The following L2HGDH variants were observed in gnomAD, a reference collection of about 807,000 sequenced individuals.
The protein encoded by L2HGDH is L-2-hydroxyglutarate dehydrogenase.
Under a neutral mutation model 51.5 loss-of-function variants are expected in L2HGDH, and 34 were observed. The ratio of observed to expected loss-of-function variants is 0.66; its 90% CI spans 0.50 to 0.88. L2HGDH has a LOEUF of 0.88. L2HGDH is among the 40% of genes least tolerant of loss of function. The probability of loss-of-function intolerance (pLI) is 0.00; values close to 1 mark genes in which losing one functional copy is unlikely to be tolerated. For missense variants in L2HGDH, 558 were observed against 571.9 expected, an observed-to-expected ratio of 0.98 and a Z score of 0.25; for synonymous variants, 198 against 197.9, an observed-to-expected ratio of 1.00 and a Z score of -0.01.
Position 50,267,720 on chromosome 14 carries a change from C to T in L2HGDH, c.1064+33G>A, listed in dbSNP as rs1889425033. On this transcript the variant is annotated intron_variant, in intron 8 of 9. Transcript: ENST00000267436. The stretch of plus-strand genomic sequence containing the variant: ...ACTTCCCACATTGAAAATATAAGCA[C>T]ATAAAATCATTTTTAAAAATAAATA... 3.3e-6 allele frequency: 5 copies of T among 1,520,368 alleles called. No homozygotes were observed. In the Admixed American group the frequency reaches 5.1e-5, roughly 15 times the overall value. The allele number at this position is 1,520,368 out of a possible 1,614,324, so 94.2% of individuals were successfully genotyped here. A position where few individuals can be genotyped will look rare whatever the true frequency, so the allele number is the denominator to read the frequency against.
intron 1 of L2HGDH, among the ~76,000 whole-genome samples, chr14:50,310,936 C>CTTTTTTTTTTTTTTTTTTTTT (rs34399906): frequency 5.0e-4 from 41 of 82,242 alleles, no homozygotes; most frequent in Admixed American, 1.2e-3. Context: ...CTTTTCTTTT[C>CTTTTTTTTTTTTTTTTTTTTT]TTTTTTTTTT....
chr14:50,297,275 T>C (rs565706498), intron 3 of L2HGDH, among the ~76,000 whole-genome samples: 6 of 152,256 alleles, frequency 3.9e-5, no homozygotes, highest in African/African-American at 1.2e-4. Context: ...GCAAGCAGAA[T>C]AAGTAGTTAA....
chr14:50,255,620 T>C (rs1888623228), intron 9 of L2HGDH, among the ~76,000 whole-genome samples: 1 of 151,930 alleles, frequency 6.6e-6, no homozygotes, highest in African/African-American at 2.4e-5. Flanking sequence ...AAGTATGGTG[T>C]CAACACCCCT....
Position 50,265,474 on chromosome 14 carries a change from C to CA in L2HGDH, c.1079dup (p.Ala361GlyfsTer11), listed in dbSNP as rs1889286735. 1 of 1,612,780 alleles carries CA rather than the reference C, an allele frequency of 6.2e-7. No individual in the cohort carries two copies. The highest frequency in any genetic ancestry group is 1.3e-5 in the African/African-American group (1 of 74,832). On this transcript the variant is annotated frameshift_variant, in exon 9 of 10. Coordinates refer to ENST00000267436, the MANE Select transcript of L2HGDH (RefSeq NM_024884.3). LOFTEE classifies it high-confidence loss of function. ...CTCCATAGGAAAAATTCTGGGATGC[C>CA]AGTTTAATCAAGCCACTGAAAACAG...
intron 6 of L2HGDH, among the ~76,000 whole-genome samples, chr14:50,272,362 G>A (rs1239972565): frequency 2.0e-5 from 3 of 152,096 alleles, no homozygotes; most frequent in African/African-American, 4.8e-5. Flanking sequence ...ATGAGGGCAG[G>A]CACAGAAACA....
rs139882377 is a variant in L2HGDH at position 50,253,997 on chromosome 14, G to C, written c.1197-6744C>G. Among the ~76,000 whole-genome samples, 9 of 152,182 alleles carry C rather than the reference G, an allele frequency of 5.9e-5. No individual in the cohort carries two copies. In the East Asian group the frequency reaches 1.7e-3, roughly 29 times the overall value. ...AAAACAATTGAACGCATAGAGGTAA[G>C]AGAGCAAGACTGTAACCAGAGGCTG... On this transcript the variant is annotated intron_variant, in intron 9 of 9. Coordinates refer to ENST00000267436, the MANE Select transcript of L2HGDH (RefSeq NM_024884.3).
At chr14:50,261,987 C>T (rs1045757512) in intron 9 of L2HGDH, among the ~76,000 whole-genome samples, 9 of 152,296 alleles carry the variant, frequency 5.9e-5, no homozygotes, top group Non-Finnish European at 1.2e-4. Context: ...TCCTGGGAAA[C>T]ACACCCCACT....
chr14:50,249,878 A>G (rs1214132057), intron 9 of L2HGDH, among the ~76,000 whole-genome samples: 8 of 105,988 alleles, frequency 7.5e-5, no homozygotes, highest in Non-Finnish European at 1.3e-4. Flanking sequence ...CAAGGCTTAC[A>G]CTCCTTTTTT....
chr14:50,297,946 C>A (rs1384691003), intron 3 of L2HGDH, among the ~76,000 whole-genome samples: 1 of 149,872 alleles, frequency 6.7e-6, no homozygotes, highest in Non-Finnish European at 1.5e-5. Context: ...AAAAAAAAAA[C>A]CAAAACGAAC....
chr14:50,247,032 A>C lies in L2HGDH; in HGVS notation c.*26T>G, dbSNP rs764792313. ...TTCTTGTTGCTGACATGAAGATTAC[A>C]GTGCATACCTAGCTCCTTTCATTAT... On this transcript the variant is annotated 3_prime_UTR_variant, in exon 10 of 10. Coordinates refer to ENST00000267436, the MANE Select transcript of L2HGDH (RefSeq NM_024884.3). 1 of 1,604,838 alleles carries C rather than the reference A, an allele frequency of 6.2e-7. No homozygotes were observed. The highest frequency in any genetic ancestry group is 1.1e-5 in the South Asian group (1 of 90,444).
At chr14:50,309,906 G>A (rs927897205) in intron 1 of L2HGDH, among the ~76,000 whole-genome samples, 2 of 151,968 alleles carry the variant, frequency 1.3e-5, no homozygotes, top group African/African-American at 2.4e-5. Context: ...TGTTGCCCAG[G>A]CTGGTCTCCA....
intron 3 of L2HGDH, among the ~76,000 whole-genome samples, chr14:50,295,931 G>A (rs1020403175): frequency 2.6e-5 from 4 of 151,144 alleles, no homozygotes; most frequent in African/African-American, 9.7e-5. Context: ...TAGAAATGGG[G>A]TTTCACCATG....
In L2HGDH at chr14:50,267,814, G is replaced by A. The variant is rs387907013; in HGVS notation, c.1003C>T (p.Arg335Ter). ...AAGTCAAAGGGTCTGTAACCCTCTC[G>A]TTTAAAGGCAAGAACTGCATTAGGC... ...LGPNAVLAFKREGYRPFDFSA... is the reference protein window; with the variant it reads ...LGPNAVLAFK Residue 335 changes from arginine (R) to a stop codon, truncating the protein, a stop_gained, in exon 8 of 10, where the codon CGA becomes TGA. Coordinates refer to ENST00000267436, the MANE Select transcript of L2HGDH (RefSeq NM_024884.3). LOFTEE classifies it high-confidence loss of function. 11 of 1,613,508 alleles carry A rather than the reference G, an allele frequency of 6.8e-6. No individual in the cohort carries two copies. The highest frequency in any genetic ancestry group is 2.2e-5 in the South Asian group (2 of 91,086).
At position 50,246,766 on chromosome 14, in the gene L2HGDH, G is replaced by C. The variant is rs769280522; in HGVS notation, c.*292C>G. The C allele has an allele frequency of 2.9e-5, 8 of 275,732 alleles. No individual in the cohort carries two copies. Among genetic ancestry groups the C allele is most frequent in the Non-Finnish European group, 4.8e-5 (7 of 147,218 alleles). 17.1% of individuals were successfully genotyped at this position (275,732 alleles called of 1,614,324 possible). Reference sequence around the variant, plus strand: ...TATTATTTTCTTGCTCTGTCACCCAGGCTGGAGTGCAGTGGTGCAATCTCA... The same window carrying C: ...TATTATTTTCTTGCTCTGTCACCCACGCTGGAGTGCAGTGGTGCAATCTCA... On this transcript the variant is annotated 3_prime_UTR_variant, in exon 10 of 10. Coordinates refer to ENST00000267436, the MANE Select transcript of L2HGDH (RefSeq NM_024884.3).
intron 6 of L2HGDH, among the ~76,000 whole-genome samples, chr14:50,275,168 TATG>T (rs1361171511): frequency 1.3e-5 from 2 of 150,656 alleles, no homozygotes; most frequent in Admixed American, 6.6e-5. Context: ...AGGTGGCAGA[TATG>T]ATATCAAATA....
chr14:50,284,076 AC>A (rs372257311), intron 4 of L2HGDH, 43 bp from the exon 5 acceptor site: 16 of 1,567,100 alleles, frequency 1.0e-5, no homozygotes, highest in Non-Finnish European at 1.3e-5. Flanking sequence ...GAGAAATAAT[AC>A]TTGCTAAATA....
chr14:50,305,527 T>C lies in L2HGDH; in HGVS notation c.141-2510A>G, dbSNP rs538012128. On this transcript the variant is annotated intron_variant, in intron 1 of 9. Transcript: ENST00000267436. ...CATTCCACTAGGTACTTACACTGAT[T>C]TACAGATTGACCCTTTACACAACTT... Among the ~76,000 whole-genome samples, 41 of 152,326 alleles carry C rather than the reference T, an allele frequency of 2.7e-4. No homozygotes were observed. In the South Asian group the frequency reaches 8.5e-3, roughly 32 times the overall value.
In L2HGDH at chr14:50,243,682, T is replaced by TATATATATATATAG. The variant is rs1181228986; in HGVS notation, c.*3375_*3376insCTATATATATATAT. 3.5e-5 allele frequency: 7 copies of TATATATATATATAG among 198,580 alleles called. No individual in the cohort carries two copies. In the East Asian group the frequency reaches 1.2e-3, roughly 33 times the overall value. The allele number at this position is 198,580 out of a possible 1,614,324, so 12.3% of individuals were successfully genotyped here. On this transcript the variant is annotated 3_prime_UTR_variant, in exon 10 of 10. Transcript: ENST00000267436. ...GGTATTTTATATATATATATATATA[T>TATATATATATATAG]ATATTGTTTATTATTATACTTTAAG...
rs1436632839 is a variant in L2HGDH at position 50,246,786 on chromosome 14, A to G, written c.*272T>C. 4 of 356,606 alleles carry G rather than the reference A, an allele frequency of 1.1e-5. No homozygotes were observed. The highest frequency in any genetic ancestry group is 4.2e-5 in the African/African-American group (2 of 47,540). The allele number at this position is 356,606 out of a possible 1,614,324, so 22.1% of individuals were successfully genotyped here. On this transcript the variant is annotated 3_prime_UTR_variant, in exon 10 of 10. Coordinates refer to ENST00000267436, the MANE Select transcript of L2HGDH (RefSeq NM_024884.3). ...ACCCAGGCTGGAGTGCAGTGGTGCA[A>G]TCTCAGCTCTCAGCTCACCTCCGTC...
Sources: gnomAD v4.1 joint callset for allele counts (sites outside exome capture counted in the v4.1 genomes callset) on GRCh38, gnomAD v4.1.1 for gene constraint, MANE v1.5 for transcripts, NCBI Gene and HGNC (gene_info 2026-07-23, HGNC 2026-07-21) for gene names.